STARD3NL: variants seen among roughly 807,000 people sequenced by gnomAD.
The protein encoded by STARD3NL is STARD3 N-terminal like.
In STARD3NL, 17 loss-of-function variants were observed where a neutral mutation model predicts 30.9. That is an observed-to-expected ratio of 0.55 (90% confidence interval 0.38 to 0.82). The LOEUF is 0.82. Among genes scored for constraint, STARD3NL ranks in the 40% least tolerant of loss-of-function variants. STARD3NL has a pLI of 0.00. For synonymous variants in STARD3NL, 112 were observed against 100.5 expected (o/e 1.11, Z -0.69); for missense variants, 234 against 277.6 (o/e 0.84, Z 1.12).
At chr7:38,214,106 C>G in intron 2 of STARD3NL, among the ~76,000 whole-genome samples, 1 of 152,170 alleles carries the variant, frequency 6.6e-6, no homozygotes, top group South Asian at 2.1e-4. Context: ...TTTAATTTTC[C>G]CAACTATGAA....
intron 7 of STARD3NL, among the ~76,000 whole-genome samples, chr7:38,227,288 A>G (rs1317413717): frequency 1.3e-5 from 2 of 152,186 alleles, no homozygotes; most frequent in Non-Finnish European, 2.9e-5. Context: ...TGATGTGACC[A>G]TCTTCCTCAT....
intron 1 of STARD3NL, among the ~76,000 whole-genome samples, chr7:38,180,594 CT>C (rs1390615046): frequency 6.6e-6 from 1 of 152,128 alleles, no homozygotes; most frequent in African/African-American, 2.4e-5. Context: ...AATATTAAGC[CT>C]TTTTGATAGT....
rs1194183852 is a variant in STARD3NL at position 38,217,196 on chromosome 7, T to C, written c.444T>C (p.Ser148=). ...CTGGTCGTATTTTCCAGCTTTTCTCTCAAGGGGCTTTTGGCTATGTGCTGC... is the reference window on the plus strand; with the variant it reads ...CTGGTCGTATTTTCCAGCTTTTCTCCCAAGGGGCTTTTGGCTATGTGCTGC... ...LAKVILSKLF[S]QGAFGYVLPI... The change falls in exon 6 of 9, where the codon TCT becomes TCC. Residue 148 remains serine (S), a synonymous_variant. Transcript: ENST00000009041. 2 of 1,613,970 alleles carry C rather than the reference T, an allele frequency of 1.2e-6. No individual in the cohort carries two copies. Among genetic ancestry groups the C allele is most frequent in the African/African-American group, 1.3e-5 (1 of 74,926 alleles).
chr7:38,180,794 G>T (rs1403947119), intron 1 of STARD3NL, among the ~76,000 whole-genome samples: 2 of 152,206 alleles, frequency 1.3e-5, no homozygotes, highest in Non-Finnish European at 2.9e-5. Flanking sequence ...GAGATCACAT[G>T]ATTCACCCCT....
At chr7:38,179,002 A>AT (rs765043859) in intron 1 of STARD3NL, 4 of 151,906 alleles carry the variant, frequency 2.6e-5, no homozygotes, top group Non-Finnish European at 4.4e-5. Flanking sequence ...AGGGTTAGGG[A>AT]TTTTTCCCCC....
At chr7:38,193,116 A>G (rs770698994) in intron 1 of STARD3NL, among the ~76,000 whole-genome samples, 2 of 152,186 alleles carry the variant, frequency 1.3e-5, no homozygotes, top group Non-Finnish European at 2.9e-5. Flanking sequence ...AAATTATGCA[A>G]GTTCCCCCTG....
chr7:38,222,140 TTC>T (rs1786500369), intron 7 of STARD3NL, among the ~76,000 whole-genome samples: 1 of 76,484 alleles, frequency 1.3e-5, no homozygotes, highest in Admixed American at 1.6e-4. Flanking sequence ...AGTTAATATT[TTC>T]ACACACACAC....
chr7:38,213,044 G>A (rs186032215), intron 2 of STARD3NL, among the ~76,000 whole-genome samples: 7 of 152,262 alleles, frequency 4.6e-5, no homozygotes, highest in African/African-American at 2.4e-5. Flanking sequence ...AAAGCTATGG[G>A]CTATTTATTG....
chr7:38,204,190 C>T (rs1158255337), intron 1 of STARD3NL, among the ~76,000 whole-genome samples: 4 of 152,206 alleles, frequency 2.6e-5, no homozygotes, highest in Admixed American at 1.3e-4. Context: ...ACATTCTTCT[C>T]AGCACCACAC....
intron 2 of STARD3NL, among the ~76,000 whole-genome samples, chr7:38,209,520 A>G (rs1025244108): frequency 1.2e-4 from 18 of 152,076 alleles, no homozygotes; most frequent in Non-Finnish European, 2.9e-5. Context: ...TCCTGACTTC[A>G]TGATCTGCCT....
intron 2 of STARD3NL, among the ~76,000 whole-genome samples, chr7:38,210,694 T>C (rs937454016): frequency 1.3e-5 from 2 of 152,156 alleles, no homozygotes; most frequent in African/African-American, 4.8e-5. Context: ...GCAGACTCTC[T>C]CCTACACTCT....
Position 38,220,874 on chromosome 7 carries a change from TAGG to T in STARD3NL, c.649+1219_649+1221del, listed in dbSNP as rs555605507. Among the ~76,000 whole-genome samples the T allele has an allele frequency of 5.0e-4, 76 of 152,172 alleles. 1 individual carries two copies. The highest frequency in any genetic ancestry group is 2.9e-3 in the Admixed American group (45 of 15,280). On this transcript the variant is annotated intron_variant, in intron 7 of 8. Transcript: ENST00000009041. ...ATCCCAGCACTTTGGGAGGCCAAGG[TAGG>T]AGGATCGCTTGAGCCCAGGAGCTCA...
At chr7:38,227,351 A>C (rs1031269069) in intron 7 of STARD3NL, among the ~76,000 whole-genome samples, 2 of 152,194 alleles carry the variant, frequency 1.3e-5, no homozygotes, top group Non-Finnish European at 2.9e-5. Context: ...TCTATGATGG[A>C]CAGTGTGTTA....
At position 38,230,327 on chromosome 7, in the gene STARD3NL, ACT is replaced by A. The variant is rs1261844049; in HGVS notation, c.*425_*426del. On this transcript the variant is annotated 3_prime_UTR_variant, in exon 9 of 9. Transcript: ENST00000009041. The stretch of plus-strand genomic sequence containing the variant: ...ATTTATTTTGTATTTCTTTTTTAAC[ACT>A]CTACATTTCCCTTGTTTTTTAACTC... 3.9e-5 allele frequency: 6 copies of A among 152,452 alleles called. No individual in the cohort carries two copies. Among genetic ancestry groups the A allele is most frequent in the African/African-American group, 4.8e-5 (2 of 41,374 alleles). 9.4% of individuals were successfully genotyped at this position (152,452 alleles called of 1,614,324 possible).
intron 7 of STARD3NL, among the ~76,000 whole-genome samples, chr7:38,223,947 C>T (rs186499467): frequency 1.1e-4 from 17 of 152,258 alleles, no homozygotes; most frequent in South Asian, 6.2e-4. Flanking sequence ...CTTTCATGCT[C>T]ATTTGCAGTT....
In STARD3NL at chr7:38,199,307, A is replaced by G. The variant is rs529954836; in HGVS notation, c.-58-8140A>G. On this transcript the variant is annotated intron_variant, in intron 1 of 8. Coordinates refer to ENST00000009041, the MANE Select transcript of STARD3NL (RefSeq NM_032016.4). ...GAATATTTAATACTTCTGAAATGAC[A>G]TCTGGAAAAATACCCAAGCTTTTCC... 2.8e-4 allele frequency among the ~76,000 whole-genome samples: 42 copies of G among 152,348 alleles called. No homozygotes were observed. The South Asian group carries it at 8.3e-3, about 30-fold the overall frequency.
At chr7:38,192,499 G>GTGC (rs1343236256) in intron 1 of STARD3NL, among the ~76,000 whole-genome samples, 1 of 152,136 alleles carries the variant, frequency 6.6e-6, no homozygotes, top group Non-Finnish European at 1.5e-5. Flanking sequence ...GGCACTCAAG[G>GTGC]TGCTACTGGA....
chr7:38,219,285 G>A (rs1318662061), intron 6 of STARD3NL, among the ~76,000 whole-genome samples: 6 of 152,076 alleles, frequency 3.9e-5, no homozygotes, highest in Non-Finnish European at 5.9e-5. Context: ...GGGCTCAAGC[G>A]ATCCTCCATC....
chr7:38,190,310 AT>A (rs1784632283), intron 1 of STARD3NL, among the ~76,000 whole-genome samples: 1 of 152,146 alleles, frequency 6.6e-6, no homozygotes, highest in South Asian at 2.1e-4. Flanking sequence ...TCTATGTAGT[AT>A]TTTTGTAGTT....
Sources: allele counts gnomAD v4.1 joint callset (sites outside exome capture counted in the v4.1 genomes callset), GRCh38; gene constraint gnomAD v4.1.1; transcripts MANE v1.5; gene names NCBI Gene and HGNC (gene_info 2026-07-23, HGNC 2026-07-21).